Variants in PDE1A observed in about 807,000 individuals in gnomAD.
PDE1A encodes the protein dual specificity calcium/calmodulin-dependent 3',5'-cyclic nucleotide phosphodiesterase 1A.
A neutral mutation model predicts 61.7 loss-of-function variants in PDE1A; 35 were observed. The observed-to-expected ratio is 0.57, with a 90% CI of 0.43 to 0.75. The LOEUF is 0.75. Ranked by LOEUF, PDE1A falls within the 30% of genes least tolerant of loss-of-function variation. The pLI, the probability that PDE1A is intolerant of heterozygous loss-of-function variation, is 0.00. For synonymous variants in PDE1A, 232 were observed against 213.2 expected, an observed-to-expected ratio of 1.09 and a Z score of -0.77; for missense variants, 597 against 630.6, an observed-to-expected ratio of 0.95 and a Z score of 0.57.
chr2:182,204,833 A>T (rs957799853), intron 8 of PDE1A, among the ~76,000 whole-genome samples: 1 of 152,180 alleles, frequency 6.6e-6, no homozygotes, highest in Admixed American at 6.5e-5. Flanking sequence ...GAAAGGCCTG[A>T]ACTGTGTCTC....
intron 1 of PDE1A, among the ~76,000 whole-genome samples, chr2:182,284,000 A>G (rs566555223): frequency 6.6e-6 from 1 of 152,234 alleles, no homozygotes; most frequent in South Asian, 2.1e-4. Flanking sequence ...ACAATCAAGT[A>G]CATACCTTCT....
the PDE1A span, among the ~76,000 whole-genome samples, chr2:182,546,137 A>C: frequency 6.6e-6 from 1 of 152,186 alleles, no homozygotes; most frequent in African/African-American, 2.4e-5. Context: ...GTTGGTAATC[A>C]TCTCTTGCCT....
chr2:182,189,026 G>A (rs1299899331), exon 11 of PDE1A: 1 of 1,612,960 alleles, frequency 6.2e-7, no homozygotes, highest in Non-Finnish European at 8.5e-7. Flanking sequence ...ACAAAGTGGG[G>A]AAAATGGAAG....
At chr2:182,183,495 G>T (rs73975393) in intron 13 of PDE1A, among the ~76,000 whole-genome samples, 6,186 of 152,070 alleles carry the variant, frequency 0.041, 430 homozygotes, top group African/African-American at 0.14. Context: ...GAATGGGAAG[G>T]CAGCAAATAA....
At chr2:182,172,752 A>G (rs1412705060) in intron 13 of PDE1A, among the ~76,000 whole-genome samples, 1 of 152,070 alleles carries the variant, frequency 6.6e-6, no homozygotes, top group African/African-American at 2.4e-5. Context: ...TGAATCTTGG[A>G]AGACAGGATT....
intron 2 of PDE1A, among the ~76,000 whole-genome samples, chr2:182,470,803 T>C (rs1424522675): frequency 6.6e-6 from 1 of 151,826 alleles, no homozygotes; most frequent in Non-Finnish European, 1.5e-5. Flanking sequence ...TCAACTGTGT[T>C]ACAGAACACT....
the PDE1A span, among the ~76,000 whole-genome samples, chr2:182,670,887 G>C: frequency 6.6e-6 from 1 of 151,030 alleles, no homozygotes; most frequent in African/African-American, 2.4e-5. Flanking sequence ...GTGTGATCTC[G>C]GCTCACTGCA....
At chr2:182,348,773 T>G (rs1698678658) in intron 1 of PDE1A, among the ~76,000 whole-genome samples, 1 of 151,562 alleles carries the variant, frequency 6.6e-6, no homozygotes, top group South Asian at 2.1e-4. Flanking sequence ...TGACAGAGCT[T>G]TGGGCTACTA....
intron 1 of PDE1A, among the ~76,000 whole-genome samples, chr2:182,337,868 T>C (rs1697940589): frequency 6.6e-6 from 1 of 152,224 alleles, no homozygotes; most frequent in South Asian, 2.1e-4. Flanking sequence ...TAGTAATGTC[T>C]ATGTCAAAAT....
chr2:182,602,992 C>CACATATACATACAT, the PDE1A span, among the ~76,000 whole-genome samples: 2 of 130,390 alleles, frequency 1.5e-5, no homozygotes, highest in African/African-American at 5.7e-5. Flanking sequence ...CACACACACA[C>CACATATACATACAT]ACATACATAC....
the PDE1A span, among the ~76,000 whole-genome samples, chr2:182,700,144 A>G: frequency 6.6e-6 from 1 of 152,234 alleles, no homozygotes; most frequent in African/African-American, 2.4e-5. Flanking sequence ...CTTTCATAGT[A>G]GGTCACATTT....
At chr2:182,164,578 C>T (rs544239637), downstream of PDE1A, among the ~76,000 whole-genome samples, 1 of 152,046 alleles carries the variant, frequency 6.6e-6, no homozygotes, top group Non-Finnish European at 1.5e-5. Context: ...CCTCAGCTAC[C>T]ATTGTCATTG....
intron 1 of PDE1A, among the ~76,000 whole-genome samples, chr2:182,351,519 A>G (rs960241430): frequency 6.6e-6 from 1 of 152,194 alleles, no homozygotes; most frequent in Non-Finnish European, 1.5e-5. Flanking sequence ...GAGTATCAAC[A>G]CTGAAGAAAA....
chr2:182,474,701 A>G (rs966346565), intron 2 of PDE1A, among the ~76,000 whole-genome samples: 2 of 151,930 alleles, frequency 1.3e-5, no homozygotes, highest in African/African-American at 4.8e-5. Flanking sequence ...AAAAGATAGA[A>G]TATGAGGACA....
intron 2 of PDE1A, among the ~76,000 whole-genome samples, chr2:182,436,383 C>T (rs1016824744): frequency 6.6e-6 from 1 of 151,860 alleles, no homozygotes; most frequent in Non-Finnish European, 1.5e-5. Flanking sequence ...TTTTATTAAA[C>T]TCAAAATTCA....
intron 1 of PDE1A, among the ~76,000 whole-genome samples, chr2:182,362,267 C>A (rs1442717441): frequency 6.6e-6 from 1 of 151,902 alleles, no homozygotes; most frequent in Non-Finnish European, 1.5e-5. Context: ...TCCCCCAGGC[C>A]TTTTTGTTGG....
intron 2 of PDE1A, among the ~76,000 whole-genome samples, chr2:182,470,019 T>A (rs1052441557): frequency 6.6e-6 from 1 of 151,402 alleles, no homozygotes; most frequent in African/African-American, 2.4e-5. Flanking sequence ...ACAATAAATA[T>A]AATAATAATG....
intron 1 of PDE1A, among the ~76,000 whole-genome samples, chr2:182,340,698 C>G (rs1031139948): frequency 1.3e-5 from 2 of 151,934 alleles, no homozygotes; most frequent in African/African-American, 4.8e-5. Flanking sequence ...TTTCTGTAGC[C>G]CTGATGTTAA....
intron 1 of PDE1A, among the ~76,000 whole-genome samples, chr2:182,351,051 G>A (rs1698845519): frequency 6.6e-6 from 1 of 152,204 alleles, no homozygotes; most frequent in African/African-American, 2.4e-5. Flanking sequence ...TGTTTCAGCA[G>A]TATTAACAGA....
Sources: allele counts gnomAD v4.1 joint callset (sites outside exome capture counted in the v4.1 genomes callset), GRCh38; gene constraint gnomAD v4.1.1; transcripts MANE v1.5; gene names NCBI Gene and HGNC (gene_info 2026-07-23, HGNC 2026-07-21).